EMC8: variants seen among roughly 807,000 people sequenced by gnomAD.
EMC8 encodes COX4 neighbor.
In EMC8, 11 loss-of-function variants were observed where a neutral mutation model predicts 24.3. The ratio of observed to expected loss-of-function variants is 0.45; its 90% CI spans 0.28 to 0.75. The LOEUF is 0.75. Among genes scored for constraint, EMC8 ranks in the 30% least tolerant of loss-of-function variants. The pLI, the probability that EMC8 is intolerant of heterozygous loss-of-function variation, is 0.12. For missense variants in EMC8, 277 were observed against 282.7 expected (o/e 0.98, Z 0.14); for synonymous variants, 145 against 117.7 (o/e 1.23, Z -1.50).
chr16:85,792,832 A>G (rs761143400), intron 1 of EMC8: 74 of 152,388 alleles, frequency 4.9e-4, no homozygotes, highest in African/African-American at 1.5e-3. Flanking sequence ...TCTGTTCCCA[A>G]TGAATCCATT....
At chr16:85,788,496 T>C (rs908048390) in intron 2 of EMC8, among the ~76,000 whole-genome samples, 2 of 152,234 alleles carry the variant, frequency 1.3e-5, no homozygotes, top group South Asian at 2.1e-4. Context: ...AGAGCCCCAG[T>C]TGGGGAAGGA....
intron 2 of EMC8, 41 bp from the exon 3 acceptor site, chr16:85,781,321 T>C: frequency 7.8e-7 from 1 of 1,279,180 alleles, no homozygotes. Flanking sequence ...TTAATGCCAT[T>C]CAACACTGTT....
intron 1 of EMC8, among the ~76,000 whole-genome samples, chr16:85,793,909 T>TA (rs1905129617): frequency 1.3e-5 from 2 of 152,202 alleles, no homozygotes; most frequent in Non-Finnish European, 2.9e-5. Flanking sequence ...CGTAAGTACT[T>TA]AAAAAAACAT....
At chr16:85,788,771 A>AT (rs1370633905) in intron 2 of EMC8, 3 of 593,448 alleles carry the variant, frequency 5.1e-6, no homozygotes, top group Non-Finnish European at 8.9e-6. Flanking sequence ...ACAAAACAGA[A>AT]TTCCAAAGTT....
At position 85,789,049 on chromosome 16, in the gene EMC8, A is replaced by G. The variant is rs752258220; in HGVS notation, c.233T>C (p.Ile78Thr). ...GCTATGATCTTTGCACCATGAATCA[A>G]TCTGAAAGAGGAACAAAAATTGGGA... is the stretch of plus-strand genomic sequence containing the variant. ...APMLEVALTL[I>T]DSWCKDHSYV... The change falls in exon 2 of 5, where the codon ATT becomes ACT. Residue 78 changes from isoleucine (I) to threonine (T), a missense_variant and splice_region_variant. Ile to Thr is a moderately conservative substitution (Grantham distance 89). Coordinates refer to ENST00000253457, the MANE Select transcript of EMC8 (RefSeq NM_006067.5). 2 of 1,612,104 alleles carry G rather than the reference A, an allele frequency of 1.2e-6. No homozygotes were observed. The highest frequency in any genetic ancestry group is 1.7e-5 in the Admixed American group (1 of 59,960).
At chr16:85,792,736 T>C (rs1320344805) in intron 1 of EMC8, 2 of 152,104 alleles carry the variant, frequency 1.3e-5, no homozygotes, top group African/African-American at 4.8e-5. Flanking sequence ...AAAGCTGCGG[T>C]GGATCTAAGT....
intron 1 of EMC8, among the ~76,000 whole-genome samples, chr16:85,792,030 G>A (rs1401330616): frequency 6.6e-6 from 1 of 152,138 alleles, no homozygotes; most frequent in Admixed American, 6.5e-5. Context: ...CTTAGCTACA[G>A]GCAACTTCCT....
At position 85,799,400 on chromosome 16, in the gene EMC8, G is replaced by A. The variant is rs1426828089; in HGVS notation, c.-105C>T. 1 of 651,186 alleles carries A rather than the reference G, an allele frequency of 1.5e-6. No individual in the cohort carries two copies. The highest frequency in any genetic ancestry group is 3.5e-5 in the East Asian group (1 of 28,598). The allele number at this position is 651,186 out of a possible 1,614,324, so 40.3% of individuals were successfully genotyped here. A position where few individuals can be genotyped will look rare whatever the true frequency, so the allele number is the denominator to read the frequency against. ...CCGAGAAGCGGGACGAGGCGGCGGC[G>A]ATTGATGGCGCGGCCGCGGGCTGGC... is the stretch of plus-strand genomic sequence containing the variant. On this transcript the variant is annotated 5_prime_UTR_variant, in exon 1 of 5. Transcript: ENST00000253457. This position sits in a 1 kb window ranked among gnomAD's most constrained non-coding sequence, Gnocchi z 4.2.
At chr16:85,783,734 A>T (rs16939718) in intron 2 of EMC8, among the ~76,000 whole-genome samples, 11,553 of 151,968 alleles carry the variant, frequency 0.076, 603 homozygotes, top group East Asian at 0.31. Context: ...TTTCACTCAC[A>T]CTGTCCCGTC....
chr16:85,782,165 C>A (rs1904536542), intron 2 of EMC8, among the ~76,000 whole-genome samples: 1 of 152,204 alleles, frequency 6.6e-6, no homozygotes, highest in South Asian at 2.1e-4. Context: ...GCCTCCCGGG[C>A]CCGCCTTCTC....
intron 1 of EMC8, among the ~76,000 whole-genome samples, chr16:85,790,387 C>G (rs1039341521): frequency 6.6e-6 from 1 of 151,890 alleles, no homozygotes; most frequent in African/African-American, 2.4e-5. Context: ...CTCAGTGAAC[C>G]AACTAGACAT....
Position 85,799,514 on chromosome 16 carries a change from TCGCGCTTCTCG to T in EMC8, c.-230_-220del, listed in dbSNP as rs1383262779. On this transcript the variant is annotated 5_prime_UTR_variant, in exon 1 of 5. Transcript: ENST00000253457. This position sits in a 1 kb window ranked among gnomAD's most constrained non-coding sequence, Gnocchi z 4.2. ...GGGAAGCCGCAGCCCCAGACTCCAG[TCGCGCTTCTCG>T]CCCGGCGCCGCCGGAAAGCAGCCTC... 7.8e-6 allele frequency: 3 copies of T among 383,720 alleles called. No individual in the cohort carries two copies. Among genetic ancestry groups the T allele is most frequent in the African/African-American group, 6.3e-5 (3 of 47,576 alleles). The allele number at this position is 383,720 out of a possible 1,614,324, so 23.8% of individuals were successfully genotyped here.
intron 3 of EMC8, chr16:85,781,010 T>C (rs919970644): frequency 3.5e-6 from 2 of 578,498 alleles, no homozygotes; most frequent in East Asian, 2.9e-5. Context: ...CACTCCCACT[T>C]GTGTAGTGAT....
chr16:85,786,935 G>T (rs541100387), intron 2 of EMC8, among the ~76,000 whole-genome samples: 1 of 152,204 alleles, frequency 6.6e-6, no homozygotes, highest in Non-Finnish European at 1.5e-5. Context: ...GCAGGTGGGG[G>T]ATTAAGGAAA....
At chr16:85,780,781 A>G in intron 3 of EMC8, 1 of 478,568 alleles carries the variant, frequency 2.1e-6, no homozygotes. Context: ...ATCTGCTCAC[A>G]TACAAGGACC....
intron 1 of EMC8, among the ~76,000 whole-genome samples, chr16:85,791,614 A>G (rs1320222846): frequency 6.6e-6 from 1 of 152,098 alleles, no homozygotes; most frequent in African/African-American, 2.4e-5. Flanking sequence ...GCCAGCCAAA[A>G]TTTTTTATCT....
intron 2 of EMC8, among the ~76,000 whole-genome samples, chr16:85,785,252 T>C (rs1904699686): frequency 6.6e-6 from 1 of 152,142 alleles, no homozygotes; most frequent in Admixed American, 6.6e-5. Flanking sequence ...TGGCCTAAAA[T>C]TTATTATTTT....
At position 85,780,227 on chromosome 16, in the gene EMC8, G is replaced by C. The variant is rs866546495; in HGVS notation, c.473+152C>G. 1.5e-5 allele frequency: 10 copies of C among 651,794 alleles called. 1 individual carries two copies. In the South Asian group the frequency reaches 1.8e-4, roughly 12 times the overall value. 40.4% of individuals were successfully genotyped at this position (651,794 alleles called of 1,614,324 possible). On this transcript the variant is annotated intron_variant, in intron 4 of 4. Transcript: ENST00000253457. ...GTTCCCTCTACTGCCTGGAAGCGCT[G>C]GAACACTGGGGCCTACAGGAGCCGG... is the stretch of plus-strand genomic sequence containing the variant.
chr16:85,787,133 C>G (rs997518593), intron 2 of EMC8, among the ~76,000 whole-genome samples: 6 of 152,114 alleles, frequency 3.9e-5, no homozygotes, highest in African/African-American at 1.4e-4. Flanking sequence ...TCAGCTGTGG[C>G]CCAACCTACC....
Sources: gnomAD v4.1 joint callset for allele counts (sites outside exome capture counted in the v4.1 genomes callset) on GRCh38, gnomAD v4.1.1 for gene constraint, Gnocchi (gnomAD v3.1) non-coding constraint, MANE v1.5 for transcripts, NCBI Gene and HGNC (gene_info 2026-07-23, HGNC 2026-07-21) for gene names.